NAB1: variants seen among roughly 807,000 people sequenced by gnomAD.
The protein encoded by NAB1 is NGFI-A binding protein 1.
Under a neutral mutation model 49.9 loss-of-function variants are expected in NAB1, and 25 were observed. That is an observed-to-expected ratio of 0.50 (90% CI 0.37 to 0.70). The LOEUF (loss-of-function observed/expected upper bound fraction) is 0.70, where lower values mean the gene tolerates loss of function less well. Ranked by LOEUF, NAB1 falls within the 30% of genes least tolerant of loss-of-function variation. NAB1 has a pLI of 0.00. For missense variants in NAB1, 489 were observed against 575.9 expected, an observed-to-expected ratio of 0.85 and a Z score of 1.54; for synonymous variants, 198 against 215.6, an observed-to-expected ratio of 0.92 and a Z score of 0.71.
chr2:190,681,578 G>A (rs1486179016), intron 6 of NAB1, among the ~76,000 whole-genome samples: 1 of 152,198 alleles, frequency 6.6e-6, no homozygotes, highest in Non-Finnish European at 1.5e-5. Context: ...ACCTAGAAGA[G>A]TGGCTATTTT....
chr2:190,660,886 A>G (rs1694188241), intron 4 of NAB1, among the ~76,000 whole-genome samples: 1 of 152,154 alleles, frequency 6.6e-6, no homozygotes, highest in South Asian at 2.1e-4. Flanking sequence ...AATGTACACA[A>G]TAAGTGCTTG....
chr2:190,659,618 G>A lies in NAB1; in HGVS notation c.442G>A (p.Gly148Arg). 6.2e-7 allele frequency: 1 copy of A among 1,614,168 alleles called. No individual in the cohort carries two copies. The highest frequency in any genetic ancestry group is 8.5e-7 in the Non-Finnish European group (1 of 1,180,020). ...SLGQGKSDVV[G>R]SLALQSVGES... Reference sequence around the variant, plus strand: ...GGGACAGGGGAAGTCAGATGTGGTTGGGAGCCTAGCACTGCAGAGTGTTGG... The same window carrying A: ...GGGACAGGGGAAGTCAGATGTGGTTAGGAGCCTAGCACTGCAGAGTGTTGG... The change falls in exon 4 of 10, where the codon GGG (glycine) becomes AGG (arginine). Residue 148 changes from glycine (G) to arginine (R), a missense_variant. Coordinates refer to ENST00000337386, the MANE Select transcript of NAB1 (RefSeq NM_005966.4). The surrounding 1 kb of genome is among the most constrained non-coding windows in gnomAD (Gnocchi z 6.2).
chr2:190,691,483 A>C lies in NAB1; in HGVS notation c.*1150A>C, dbSNP rs1419113111. The C allele has an allele frequency of 6.6e-6, 1 of 152,078 alleles. No homozygotes were observed. Among genetic ancestry groups the C allele is most frequent in the African/African-American group, 2.4e-5 (1 of 41,416 alleles). The allele number at this position is 152,078 out of a possible 1,614,324, so 9.4% of individuals were successfully genotyped here. A position where few individuals can be genotyped will look rare whatever the true frequency, so the allele number is the denominator to read the frequency against. On this transcript the variant is annotated 3_prime_UTR_variant, in exon 10 of 10. Transcript: ENST00000337386. The surrounding 1 kb of genome is among the most constrained non-coding windows in gnomAD (Gnocchi z 4.1). ...GATTTATGAATGCAGTTTTTTCTTA[A>C]AATTTATTTTAACTTGACAGTATGT...
At chr2:190,671,050 C>T (rs1694778950) in intron 5 of NAB1, among the ~76,000 whole-genome samples, 1 of 152,192 alleles carries the variant, frequency 6.6e-6, no homozygotes, top group Non-Finnish European at 1.5e-5. Flanking sequence ...CTTACTTGAG[C>T]CATAAGCATT....
chr2:190,682,637 C>A lies in NAB1; in HGVS notation c.1006-1101C>A, dbSNP rs1263335810. On this transcript the variant is annotated intron_variant, in intron 6 of 9. Transcript: ENST00000337386. This position sits in a 1 kb window ranked among gnomAD's most constrained non-coding sequence, Gnocchi z 4.1. ...AAAAATTAGAGGGTAGATTTAAGTA[C>A]TGAACCAAATTTCTGAAGCAGAATT... Among the ~76,000 whole-genome samples, 1 of 152,138 alleles carries A rather than the reference C, an allele frequency of 6.6e-6. No individual in the cohort carries two copies. Among genetic ancestry groups the A allele is most frequent in the Non-Finnish European group, 1.5e-5 (1 of 68,024 alleles).
rs958139503 is a variant in NAB1 at position 190,660,005 on chromosome 2, C to T, written c.819+10C>T. On this transcript the variant is annotated intron_variant, in intron 4 of 9. Coordinates refer to ENST00000337386, the MANE Select transcript of NAB1 (RefSeq NM_005966.4). ...TCTCACACTTCATGAGGTACAAAGCCCGCGTTGTTCCTTCTGTGTGTGTAT... is the reference window on the plus strand; with the variant it reads ...TCTCACACTTCATGAGGTACAAAGCTCGCGTTGTTCCTTCTGTGTGTGTAT... 6.3e-7 allele frequency: 1 copy of T among 1,598,432 alleles called. No homozygotes were observed. Among genetic ancestry groups the T allele is most frequent in the South Asian group, 1.1e-5 (1 of 89,902 alleles).
rs1320415030 is a variant in NAB1 at position 190,676,773 on chromosome 2, A to G, written c.1005+3621A>G. The stretch of plus-strand genomic sequence containing the variant: ...TAACAGATTTCTAATTACAAGGCCC[A>G]AACTAATGAGACAAGTTTTTCTCTT... On this transcript the variant is annotated intron_variant, in intron 6 of 9. Coordinates refer to ENST00000337386, the MANE Select transcript of NAB1 (RefSeq NM_005966.4). This position sits in a 1 kb window ranked among gnomAD's most constrained non-coding sequence, Gnocchi z 4.6. Among the ~76,000 whole-genome samples, 1 of 152,240 alleles carries G rather than the reference A, an allele frequency of 6.6e-6. No individual in the cohort carries two copies. Among genetic ancestry groups the G allele is most frequent in the African/African-American group, 2.4e-5 (1 of 41,466 alleles).
intron 5 of NAB1, among the ~76,000 whole-genome samples, chr2:190,671,421 A>C (rs1025949831): frequency 1.3e-5 from 2 of 152,224 alleles, no homozygotes; most frequent in Non-Finnish European, 2.9e-5. Context: ...ATAACTGACA[A>C]GTAAAATCAT....
chr2:190,658,076 G>A (rs1694021037), intron 3 of NAB1, among the ~76,000 whole-genome samples: 2 of 152,166 alleles, frequency 1.3e-5, no homozygotes, highest in East Asian at 1.9e-4. Context: ...CTGCTAAGAG[G>A]TCAAGAAGTA....
chr2:190,660,346 A>G (rs1694160241), intron 4 of NAB1, among the ~76,000 whole-genome samples: 1 of 152,244 alleles, frequency 6.6e-6, no homozygotes, highest in African/African-American at 2.4e-5. Flanking sequence ...CTTTTAAAAA[A>G]CATTTTTGTA....
In NAB1 at chr2:190,686,287, G is replaced by A. The variant is rs926333175; in HGVS notation, c.1258+649G>A. Among the ~76,000 whole-genome samples the A allele has an allele frequency of 6.6e-6, 1 of 152,134 alleles. No individual in the cohort carries two copies. Among genetic ancestry groups the A allele is most frequent in the Non-Finnish European group, 1.5e-5 (1 of 68,014 alleles). On this transcript the variant is annotated intron_variant, in intron 8 of 9. Coordinates refer to ENST00000337386, the MANE Select transcript of NAB1 (RefSeq NM_005966.4). The surrounding 1 kb of genome is among the most constrained non-coding windows in gnomAD (Gnocchi z 5.5). ...GGGAACAAATCCCTGTTTACCTGGA[G>A]CTTACATGTAGTGGAGGGAGATGTA...
At position 190,652,002 on chromosome 2, in the gene NAB1, T is replaced by C. The variant is rs1343129928; in HGVS notation, c.-197+2020T>C. On this transcript the variant is annotated intron_variant, in intron 2 of 9. Coordinates refer to ENST00000337386, the MANE Select transcript of NAB1 (RefSeq NM_005966.4). This position sits in a 1 kb window ranked among gnomAD's most constrained non-coding sequence, Gnocchi z 4.2. ...TCTTTTATCCTTTTCAACAGTAGAA[T>C]GAAGAATGGTACAATTGTTATATTA... is the stretch of plus-strand genomic sequence containing the variant. Among the ~76,000 whole-genome samples the C allele has an allele frequency of 2.0e-5, 3 of 152,220 alleles. No individual in the cohort carries two copies. The highest frequency in any genetic ancestry group is 7.2e-5 in the African/African-American group (3 of 41,452).
rs1454895486 is a variant in NAB1, at chr2:190,691,079, A to G, written c.*746A>G. 1 of 152,600 alleles carries G rather than the reference A, an allele frequency of 6.6e-6. No individual in the cohort carries two copies. The highest frequency in any genetic ancestry group is 1.5e-5 in the Non-Finnish European group (1 of 67,976). 9.5% of individuals were successfully genotyped at this position (152,600 alleles called of 1,614,324 possible). ...TAGATTGTATTAATAGCTACTTAAG[A>G]TGTTTCAAAGATAGGAAGCTATTGC... On this transcript the variant is annotated 3_prime_UTR_variant, in exon 10 of 10. Transcript: ENST00000337386. This position sits in a 1 kb window ranked among gnomAD's most constrained non-coding sequence, Gnocchi z 4.1.
intron 9 of NAB1, among the ~76,000 whole-genome samples, chr2:190,687,561 C>A (rs886816982): frequency 2.0e-5 from 3 of 152,092 alleles, no homozygotes; most frequent in African/African-American, 7.2e-5. Flanking sequence ...GATGCTGAAC[C>A]TTTGGTGTAA....
At position 190,676,037 on chromosome 2, in the gene NAB1, C is replaced by T. The variant is rs895135135; in HGVS notation, c.1005+2885C>T. ...ACTGGCTGTATAAAGTTACCACTCC[C>T]TTAAAACTTTTCACCAAGTACTGGT... On this transcript the variant is annotated intron_variant, in intron 6 of 9. Coordinates refer to ENST00000337386, the MANE Select transcript of NAB1 (RefSeq NM_005966.4). The surrounding 1 kb of genome is among the most constrained non-coding windows in gnomAD (Gnocchi z 4.6). Among the ~76,000 whole-genome samples, 6 of 152,206 alleles carry T rather than the reference C, an allele frequency of 3.9e-5. No homozygotes were observed. Among genetic ancestry groups the T allele is most frequent in the African/African-American group, 1.4e-4 (6 of 41,444 alleles).
At position 190,669,511 on chromosome 2, in the gene NAB1, C is replaced by T. The variant is rs952871417; in HGVS notation, c.820-815C>T. ...TGATGAAGCAGGACTCTCCTCAGGT[C>T]TGTCTGCCATCACGTCCCATTTTCT... On this transcript the variant is annotated intron_variant, in intron 4 of 9. Coordinates refer to ENST00000337386, the MANE Select transcript of NAB1 (RefSeq NM_005966.4). This position sits in a 1 kb window ranked among gnomAD's most constrained non-coding sequence, Gnocchi z 4.3. Among the ~76,000 whole-genome samples, 1 of 152,220 alleles carries T rather than the reference C, an allele frequency of 6.6e-6. No homozygotes were observed. Among genetic ancestry groups the T allele is most frequent in the African/African-American group, 2.4e-5 (1 of 41,462 alleles).
At chr2:190,665,828 C>T (rs1379535692) in intron 4 of NAB1, among the ~76,000 whole-genome samples, 1 of 152,132 alleles carries the variant, frequency 6.6e-6, no homozygotes, top group Non-Finnish European at 1.5e-5. Context: ...TTTGCATTCT[C>T]CTGGGGGTAC....
intron 6 of NAB1, among the ~76,000 whole-genome samples, chr2:190,681,188 C>A (rs1331233807): frequency 1.3e-5 from 2 of 151,966 alleles, no homozygotes; most frequent in African/African-American, 4.8e-5. Context: ...TTGAAGCTAG[C>A]GTTGTAGCTG....
Position 190,670,195 on chromosome 2 carries a change from A to G in NAB1, c.820-131A>G, listed in dbSNP as rs539223010. On this transcript the variant is annotated intron_variant, in intron 4 of 9. Transcript: ENST00000337386. The surrounding 1 kb of genome is among the most constrained non-coding windows in gnomAD (Gnocchi z 5.3). ...GCATTAGGAATAATTAGGAATAAATACCATTCTGATTTTTATGAATAATGA... is the reference window on the plus strand; with the variant it reads ...GCATTAGGAATAATTAGGAATAAATGCCATTCTGATTTTTATGAATAATGA... The G allele has an allele frequency of 8.7e-6, 8 of 920,986 alleles. No individual in the cohort carries two copies. In the African/African-American group the frequency reaches 1.0e-4, roughly 12 times the overall value. 57.1% of individuals were successfully genotyped at this position (920,986 alleles called of 1,614,324 possible). A position where few individuals can be genotyped will look rare whatever the true frequency, so the allele number is the denominator to read the frequency against.
Sources: allele counts gnomAD v4.1 joint callset (sites outside exome capture counted in the v4.1 genomes callset), GRCh38; gene constraint gnomAD v4.1.1; non-coding constraint Gnocchi (gnomAD v3.1); transcripts MANE v1.5; gene names NCBI Gene and HGNC (gene_info 2026-07-23, HGNC 2026-07-21).